DENND5B: variants seen among roughly 807,000 people sequenced by gnomAD.
The protein encoded by DENND5B is DENN domain-containing protein 5B.
DENND5B carries 34 observed loss-of-function variants against 140.6 expected under a neutral mutation model. The observed-to-expected ratio is 0.24, with a 90% CI of 0.18 to 0.32. DENND5B has a LOEUF of 0.32. Among genes scored for constraint, DENND5B ranks in the 10% least tolerant of loss-of-function variants. The pLI, the probability that DENND5B is intolerant of heterozygous loss-of-function variation, is 1.00. For synonymous variants in DENND5B, 551 were observed against 562.1 expected (o/e 0.98, Z 0.28); for missense variants, 1,142 against 1,560.2 (o/e 0.73, Z 4.52).
At chr12:31,415,504 T>G in intron 11 of DENND5B, 56 bp from the exon 12 acceptor site, 1 of 1,359,884 alleles carries the variant, frequency 7.4e-7, no homozygotes, top group Non-Finnish European at 1.0e-6. Context: ...TATACATGGT[T>G]CATATTAAAT....
chr12:31,391,871 T>C (rs792875), intron 19 of DENND5B, among the ~76,000 whole-genome samples: 28,223 of 152,030 alleles, frequency 0.19, 2,932 homozygotes, highest in Non-Finnish European at 0.25. Flanking sequence ...CCGGGCACGA[T>C]GGCTCACTCC....
At chr12:31,457,769 A>G (rs1282256218) in intron 4 of DENND5B, among the ~76,000 whole-genome samples, 1 of 150,312 alleles carries the variant, frequency 6.7e-6, no homozygotes, top group Non-Finnish European at 1.5e-5. Flanking sequence ...GCTGGAGTGC[A>G]GTGATGCGAT....
intron 9 of DENND5B, 74 bp downstream of exon 9, chr12:31,426,219 A>C: frequency 6.7e-7 from 1 of 1,485,542 alleles, no homozygotes; most frequent in Non-Finnish European, 9.0e-7. Flanking sequence ...ATGGGGGTTA[A>C]CTCAGTTCAT....
intron 3 of DENND5B, among the ~76,000 whole-genome samples, chr12:31,479,181 T>G (rs1022834478): frequency 6.6e-6 from 1 of 152,244 alleles, no homozygotes; most frequent in Admixed American, 6.5e-5. Context: ...CAATGTTCGC[T>G]GAGTTTTGAT....
chr12:31,530,372 C>T (rs1001074752), intron 1 of DENND5B, among the ~76,000 whole-genome samples: 5 of 151,190 alleles, frequency 3.3e-5, no homozygotes, highest in Admixed American at 3.3e-4. Context: ...GACTCCATCT[C>T]GAAAAAAATA....
At chr12:31,443,351 A>C (rs569591743) in intron 6 of DENND5B, among the ~76,000 whole-genome samples, 17 of 152,336 alleles carry the variant, frequency 1.1e-4, no homozygotes, top group Admixed American at 3.3e-4. Flanking sequence ...CTGGGATTAT[A>C]AGCGTGAGCC....
chr12:31,437,145 C>A lies in DENND5B; in HGVS notation c.2013-3897G>T, dbSNP rs4931492. Reference sequence around the variant, plus strand: ...AAGTCTACTATAGCACCTGCCCCCCCCTTTTTTTTTTTTTTGAGACGGAGT... The same window carrying A: ...AAGTCTACTATAGCACCTGCCCCCCACTTTTTTTTTTTTTTGAGACGGAGT... On this transcript the variant is annotated intron_variant, in intron 7 of 20. Transcript: ENST00000389082. Among the ~76,000 whole-genome samples the A allele has an allele frequency of 5.9e-5, 8 of 136,012 alleles. No homozygotes were observed. In the East Asian group the frequency reaches 1.0e-3, roughly 17 times the overall value. The allele number at this position is 136,012 out of a possible 152,430, so 89.2% of individuals were successfully genotyped here.
intron 2 of DENND5B, 84 bp from the exon 3 acceptor site, chr12:31,480,339 C>T (rs1946018424): frequency 7.6e-7 from 1 of 1,309,424 alleles, no homozygotes; most frequent in Non-Finnish European, 1.0e-6. Flanking sequence ...TTTAACATAA[C>T]AGGATTCAAA....
At chr12:31,496,389 G>GC (rs1188260498) in intron 1 of DENND5B, among the ~76,000 whole-genome samples, 1 of 152,120 alleles carries the variant, frequency 6.6e-6, no homozygotes, top group Admixed American at 6.6e-5. Context: ...AAATGTGATT[G>GC]CATATCCAGG....
chr12:31,426,200 C>T (rs1943225224), intron 9 of DENND5B, 93 bp downstream of exon 9: 4 of 1,408,086 alleles, frequency 2.8e-6, no homozygotes, highest in Non-Finnish European at 3.7e-6. Context: ...AGCAAAATTA[C>T]ATGCTTAAAT....
At chr12:31,531,523 T>G (rs758364015) in intron 1 of DENND5B, among the ~76,000 whole-genome samples, 1 of 152,242 alleles carries the variant, frequency 6.6e-6, no homozygotes, top group Non-Finnish European at 1.5e-5. Context: ...ACTCATTTAA[T>G]TCACATATAC....
At chr12:31,389,212 A>G in intron 20 of DENND5B, 112 bp downstream of exon 20, 1 of 1,036,462 alleles carries the variant, frequency 9.6e-7, no homozygotes, top group South Asian at 2.3e-5. Context: ...AAAAAGTAAA[A>G]GGAAAGAAAC....
At chr12:31,454,985 A>T (rs1944708084) in intron 4 of DENND5B, among the ~76,000 whole-genome samples, 1 of 151,058 alleles carries the variant, frequency 6.6e-6, no homozygotes, top group Non-Finnish European at 1.5e-5. Context: ...CGCCCGGCTA[A>T]TTTTTTTTGT....
chr12:31,578,736 C>T (rs567121023), intron 1 of DENND5B, among the ~76,000 whole-genome samples: 11 of 152,206 alleles, frequency 7.2e-5, no homozygotes, highest in African/African-American at 2.7e-4. Context: ...TGTCACCACC[C>T]AGCAGTTGAG....
At chr12:31,474,724 CT>C (rs539085290) in intron 3 of DENND5B, among the ~76,000 whole-genome samples, 25 of 152,196 alleles carry the variant, frequency 1.6e-4, no homozygotes, top group Admixed American at 1.4e-3. Flanking sequence ...TTAAAACCCC[CT>C]TAACACAGTT....
intron 6 of DENND5B, among the ~76,000 whole-genome samples, chr12:31,446,337 T>C (rs2138036252): frequency 6.6e-6 from 1 of 152,084 alleles, no homozygotes; most frequent in South Asian, 2.1e-4. Context: ...TTAGTAGAGA[T>C]GGGGTTTCGC....
intron 6 of DENND5B, 105 bp downstream of exon 6, chr12:31,447,433 G>A: frequency 2.0e-6 from 2 of 1,008,820 alleles, no homozygotes; most frequent in Middle Eastern, 2.5e-4. Flanking sequence ...GATTAGCCAT[G>A]AAGTCTAAAA....
At chr12:31,529,852 T>A (rs1334363507) in intron 1 of DENND5B, among the ~76,000 whole-genome samples, 1 of 152,122 alleles carries the variant, frequency 6.6e-6, no homozygotes, top group African/African-American at 2.4e-5. Context: ...ATAATTGCCA[T>A]ATGAATAGCC....
At chr12:31,399,852 T>A in intron 15 of DENND5B, 80 bp from the exon 16 acceptor site, 1 of 1,056,864 alleles carries the variant, frequency 9.5e-7, no homozygotes, top group Non-Finnish European at 1.4e-6. Flanking sequence ...TTTGGTTCCG[T>A]CTAATTTAAC....
Sources: gnomAD v4.1 joint callset for allele counts (sites outside exome capture counted in the v4.1 genomes callset) on GRCh38, gnomAD v4.1.1 for gene constraint, MANE v1.5 for transcripts, NCBI Gene and HGNC (gene_info 2026-07-23, HGNC 2026-07-21) for gene names.